Variants in CFAP20DC observed in about 807,000 individuals in gnomAD.
The protein encoded by CFAP20DC is protein CFAP20DC.
Under a neutral mutation model 101.7 loss-of-function variants are expected in CFAP20DC, and 84 were observed. The ratio of observed to expected loss-of-function variants is 0.83; its 90% CI spans 0.69 to 0.99. CFAP20DC has a LOEUF of 0.99. CFAP20DC is among the 50% of genes least tolerant of loss of function. The pLI is 0.00. For missense variants in CFAP20DC, 1,007 were observed against 970.3 expected (o/e 1.04, Z -0.50); for synonymous variants, 359 against 351.2 (o/e 1.02, Z -0.25).
chr3:58,982,860 T>C lies in CFAP20DC; in HGVS notation c.279-45098A>G, dbSNP rs144654981. 5.0e-4 allele frequency among the ~76,000 whole-genome samples: 76 copies of C among 151,442 alleles called. 1 individual carries two copies. Among genetic ancestry groups the C allele is most frequent in the African/African-American group, 1.8e-3 (75 of 41,046 alleles). On this transcript the variant is annotated intron_variant, in intron 4 of 16. Coordinates refer to ENST00000482387, the MANE Select transcript of CFAP20DC (RefSeq NM_001394063.1). The stretch of plus-strand genomic sequence containing the variant: ...TACCCTAAAAATTAAAGTATAATAA[T>C]AAAAACAAAAAAAGTTTCTAGAATC...
intron 4 of CFAP20DC, among the ~76,000 whole-genome samples, chr3:59,027,758 C>T (rs1021506412): frequency 3.3e-5 from 5 of 152,138 alleles, no homozygotes; most frequent in African/African-American, 9.7e-5. Flanking sequence ...GTTTGTAGTG[C>T]TCCTCCTGTG....
chr3:58,980,753 T>C (rs1402848796), intron 4 of CFAP20DC, among the ~76,000 whole-genome samples: 2 of 152,188 alleles, frequency 1.3e-5, no homozygotes, highest in East Asian at 3.8e-4. Context: ...AATATCATAC[T>C]GAATGGGCAA....
At chr3:59,047,366 A>T in intron 1 of CFAP20DC, 112 bp from the exon 2 acceptor site, 1 of 673,936 alleles carries the variant, frequency 1.5e-6, no homozygotes, top group Non-Finnish European at 2.5e-6. Context: ...ATCTGGGATG[A>T]AACATTCTCC....
chr3:58,957,099 A>G (rs970319373), intron 4 of CFAP20DC, among the ~76,000 whole-genome samples: 1 of 152,164 alleles, frequency 6.6e-6, no homozygotes, highest in African/African-American at 2.4e-5. Context: ...CTTGCAAACT[A>G]CCCATGTGAC....
In CFAP20DC at chr3:58,814,468, A is replaced by G. The variant is rs1054365572; in HGVS notation, c.2176-8012T>C. ...GCACAAGACAGGGATGCCCTCTCTCACCACTCCTATTCAACATAGTGTTGG... is the reference window on the plus strand; with the variant it reads ...GCACAAGACAGGGATGCCCTCTCTCGCCACTCCTATTCAACATAGTGTTGG... On this transcript the variant is annotated intron_variant, in intron 14 of 16. Coordinates refer to ENST00000482387, the MANE Select transcript of CFAP20DC (RefSeq NM_001394063.1). 5.3e-5 allele frequency among the ~76,000 whole-genome samples: 8 copies of G among 151,248 alleles called. No individual in the cohort carries two copies. The East Asian group carries it at 1.5e-3, about 29-fold the overall frequency.
chr3:58,859,218 T>C lies in CFAP20DC; in HGVS notation c.1593+4340A>G, dbSNP rs1400274957. ...ATTAAAAAGGTTTGGCCAAATTACT[T>C]TCATGACATCTTTACCTATAGCAAA... On this transcript the variant is annotated intron_variant, in intron 12 of 16. Transcript: ENST00000482387. This position sits in a 1 kb window ranked among gnomAD's most constrained non-coding sequence, Gnocchi z 4.1. 6.6e-6 allele frequency among the ~76,000 whole-genome samples: 1 copy of C among 152,212 alleles called. No individual in the cohort carries two copies. Among genetic ancestry groups the C allele is most frequent in the Non-Finnish European group, 1.5e-5 (1 of 68,032 alleles).
chr3:58,951,967 G>C (rs2090163765), intron 4 of CFAP20DC, among the ~76,000 whole-genome samples: 1 of 152,160 alleles, frequency 6.6e-6, no homozygotes, highest in Non-Finnish European at 1.5e-5. Flanking sequence ...GTTTAGATAA[G>C]TTCCTCATGT....
chr3:58,776,460 T>C (rs542479408), intron 15 of CFAP20DC, among the ~76,000 whole-genome samples: 70 of 152,182 alleles, frequency 4.6e-4, no homozygotes, highest in African/African-American at 1.6e-3. Flanking sequence ...GGAATCGACA[T>C]GAACAAGCTT....
intron 6 of CFAP20DC, among the ~76,000 whole-genome samples, chr3:58,895,033 C>A (rs55683291): frequency 0.037 from 5,564 of 152,326 alleles, 317 homozygotes; most frequent in African/African-American, 0.13. Context: ...CTGCACACAA[C>A]ATGGTGACCC....
At chr3:58,807,227 C>G (rs535285643) in intron 14 of CFAP20DC, among the ~76,000 whole-genome samples, 4 of 152,158 alleles carry the variant, frequency 2.6e-5, no homozygotes, top group African/African-American at 9.7e-5. Flanking sequence ...TCTCCCAGCA[C>G]GCAGCTGGAG....
chr3:59,021,546 T>G (rs997873853), intron 4 of CFAP20DC, among the ~76,000 whole-genome samples: 1 of 152,064 alleles, frequency 6.6e-6, no homozygotes, highest in Non-Finnish European at 1.5e-5. Context: ...ACCTCTAAAA[T>G]TGAAACCAGC....
intron 12 of CFAP20DC, among the ~76,000 whole-genome samples, chr3:58,850,734 G>C (rs2078154206): frequency 6.6e-6 from 1 of 152,144 alleles, no homozygotes; most frequent in South Asian, 2.1e-4. Flanking sequence ...TTTGGTGTCT[G>C]ACAATGCGTA....
intron 12 of CFAP20DC, chr3:58,862,785 G>A: frequency 1.0e-6 from 1 of 980,984 alleles, no homozygotes; most frequent in East Asian, 1.1e-4. Flanking sequence ...TTCGTATTCT[G>A]CTTTTAGAAT....
chr3:58,956,972 A>G (rs1303579242), intron 4 of CFAP20DC, among the ~76,000 whole-genome samples: 1 of 152,164 alleles, frequency 6.6e-6, no homozygotes, highest in Non-Finnish European at 1.5e-5. Context: ...CCCTCCCACA[A>G]CACAAGGGGA....
chr3:58,757,471 T>C (rs1262109726), intron 15 of CFAP20DC, among the ~76,000 whole-genome samples: 2 of 149,972 alleles, frequency 1.3e-5, no homozygotes, highest in Non-Finnish European at 2.9e-5. Flanking sequence ...TCCCTCACTT[T>C]ATAGTTTGTC....
In CFAP20DC at chr3:58,777,119, C is replaced by T. The variant is rs865902065; in HGVS notation, c.2238-23256G>A. 4.6e-5 allele frequency among the ~76,000 whole-genome samples: 7 copies of T among 152,116 alleles called. No individual in the cohort carries two copies. The South Asian group carries it at 8.3e-4, about 18-fold the overall frequency. ...AATTTCCTTGTGGATAAAGAACAGA[C>T]AGAACTCAAAGTCATTCTTCTGTTC... On this transcript the variant is annotated intron_variant, in intron 15 of 16. Transcript: ENST00000482387.
intron 4 of CFAP20DC, among the ~76,000 whole-genome samples, chr3:58,979,178 G>A (rs900324688): frequency 3.3e-5 from 5 of 152,204 alleles, no homozygotes; most frequent in African/African-American, 1.2e-4. Context: ...GAAGGACAGA[G>A]TGGAAGCTAA....
chr3:58,862,148 A>T, intron 12 of CFAP20DC: 1 of 956,964 alleles, frequency 1.0e-6, no homozygotes, highest in Non-Finnish European at 1.2e-6. Flanking sequence ...CCAGAGAACT[A>T]CCATTTCCCA....
At chr3:58,887,298 A>T (rs187530415) in intron 6 of CFAP20DC, 1 of 152,354 alleles carries the variant, frequency 6.6e-6, no homozygotes, top group Admixed American at 6.5e-5. Context: ...TATTTGACAT[A>T]TACTTCAAAA....
Sources: allele counts gnomAD v4.1 joint callset (sites outside exome capture counted in the v4.1 genomes callset), GRCh38; gene constraint gnomAD v4.1.1; non-coding constraint Gnocchi (gnomAD v3.1); transcripts MANE v1.5; gene names NCBI Gene and HGNC (gene_info 2026-07-23, HGNC 2026-07-21).